TAFA1: variants seen among roughly 807,000 people sequenced by gnomAD.
The protein encoded by TAFA1 is TAFA chemokine like family member 1, also known as chemokine-like protein TAFA-1.
Under a neutral mutation model 18.5 loss-of-function variants are expected in TAFA1, and 4 were observed. The ratio of observed to expected loss-of-function variants is 0.22; its 90% CI spans 0.11 to 0.49. The LOEUF is 0.49. Among genes scored for constraint, TAFA1 ranks in the 20% least tolerant of loss-of-function variants. The probability of loss-of-function intolerance (pLI) is 0.98; values close to 1 mark genes in which losing one functional copy is unlikely to be tolerated. For missense variants in TAFA1, 147 were observed against 169.0 expected, an observed-to-expected ratio of 0.87 and a Z score of 0.72; for synonymous variants, 56 against 55.2, an observed-to-expected ratio of 1.01 and a Z score of -0.06.
In TAFA1 at chr3:68,225,032, C is replaced by T. The variant is rs1454423174; in HGVS notation, c.119-192248C>T. On this transcript the variant is annotated intron_variant, in intron 2 of 4. Transcript: ENST00000478136. ...CAAGCAATTCTTCTGCCTCAGCCTC[C>T]CGAGTAGCTGGGACTACAGGTGCAC... 2.0e-5 allele frequency among the ~76,000 whole-genome samples: 3 copies of T among 150,768 alleles called. No individual in the cohort carries two copies. The South Asian group carries it at 6.3e-4, about 32-fold the overall frequency.
chr3:68,335,333 T>G (rs2068952809), intron 2 of TAFA1, among the ~76,000 whole-genome samples: 1 of 152,190 alleles, frequency 6.6e-6, no homozygotes, highest in Non-Finnish European at 1.5e-5. Flanking sequence ...TCATGTCTAT[T>G]ATTTAGTTAT....
intron 2 of TAFA1, among the ~76,000 whole-genome samples, chr3:68,222,245 TC>T (rs2066740402): frequency 6.6e-6 from 1 of 152,300 alleles, no homozygotes; most frequent in South Asian, 2.1e-4. Flanking sequence ...TCATCTGATG[TC>T]ATTGCCGTTA....
intron 2 of TAFA1, among the ~76,000 whole-genome samples, chr3:68,169,406 T>C (rs779121773): frequency 3.9e-5 from 6 of 152,220 alleles, no homozygotes; most frequent in Non-Finnish European, 5.9e-5. Flanking sequence ...CAATATCTGA[T>C]TACAAATGAG....
chr3:68,075,698 C>A (rs368898325), intron 2 of TAFA1, among the ~76,000 whole-genome samples: 18 of 139,442 alleles, frequency 1.3e-4, no homozygotes, highest in African/African-American at 4.5e-4. Flanking sequence ...TCTTCTTTCC[C>A]TTTTTTTTTT....
In TAFA1 at chr3:68,465,713, A is replaced by G. The variant is rs1000333237; in HGVS notation, c.259+48293A>G. On this transcript the variant is annotated intron_variant, in intron 3 of 4. Coordinates refer to ENST00000478136, the MANE Select transcript of TAFA1 (RefSeq NM_213609.4). ...CTAGCCACAGGTCCATATTCTAACC[A>G]TCAGGAAAGAGAAAAGACAGAGAGG... Among the ~76,000 whole-genome samples the G allele has an allele frequency of 3.9e-5, 6 of 152,210 alleles. No homozygotes were observed. The East Asian group carries it at 9.6e-4, about 24-fold the overall frequency.
chr3:68,202,860 A>C (rs1377892233), intron 2 of TAFA1, among the ~76,000 whole-genome samples: 4 of 151,706 alleles, frequency 2.6e-5, no homozygotes, highest in African/African-American at 9.7e-5. Context: ...GAATAAAAAA[A>C]CAAAAATTTT....
intron 3 of TAFA1, among the ~76,000 whole-genome samples, chr3:68,478,966 G>A (rs1394511007): frequency 2.0e-5 from 3 of 150,166 alleles, no homozygotes; most frequent in South Asian, 4.2e-4. Flanking sequence ...CAGGCGCAGT[G>A]GCTCATGCCT....
At chr3:68,361,751 T>C (rs1297055806) in intron 2 of TAFA1, among the ~76,000 whole-genome samples, 1 of 152,084 alleles carries the variant, frequency 6.6e-6, no homozygotes, top group Non-Finnish European at 1.5e-5. Context: ...GCATGTATTA[T>C]TTGTAACCTT....
At chr3:68,132,907 T>C (rs566383264) in intron 2 of TAFA1, among the ~76,000 whole-genome samples, 1 of 152,230 alleles carries the variant, frequency 6.6e-6, no homozygotes, top group African/African-American at 2.4e-5. Flanking sequence ...ATTTTGGCTT[T>C]TGTTGCCATT....
chr3:68,274,696 G>T (rs879552981), intron 2 of TAFA1, among the ~76,000 whole-genome samples: 1 of 152,094 alleles, frequency 6.6e-6, no homozygotes, highest in Non-Finnish European at 1.5e-5. Context: ...TTTGGTGTTT[G>T]TTCCCCCGCC....
At chr3:68,210,779 A>C (rs906539115) in intron 2 of TAFA1, among the ~76,000 whole-genome samples, 11 of 152,044 alleles carry the variant, frequency 7.2e-5, no homozygotes, top group Non-Finnish European at 1.2e-4. Context: ...CTATTACCAC[A>C]TAACATATAA....
intron 3 of TAFA1, among the ~76,000 whole-genome samples, chr3:68,486,012 C>T (rs888214033): frequency 2.0e-5 from 3 of 152,082 alleles, no homozygotes; most frequent in Non-Finnish European, 4.4e-5. Context: ...ACTGCAGCTT[C>T]GACCTCCTGG....
chr3:68,413,458 A>G (rs2070754919), intron 2 of TAFA1, among the ~76,000 whole-genome samples: 1 of 152,254 alleles, frequency 6.6e-6, no homozygotes, highest in South Asian at 2.1e-4. Context: ...CTTTAATATT[A>G]TTACTATTAC....
At chr3:68,348,293 A>G (rs79290300) in intron 2 of TAFA1, among the ~76,000 whole-genome samples, 1,563 of 152,278 alleles carry the variant, frequency 0.01, 24 homozygotes, top group African/African-American at 0.035. Flanking sequence ...CAGTTAGTCT[A>G]TACTAACCAG....
At chr3:68,454,958 G>A (rs2071631962) in intron 3 of TAFA1, among the ~76,000 whole-genome samples, 1 of 151,996 alleles carries the variant, frequency 6.6e-6, no homozygotes, top group African/African-American at 2.4e-5. Context: ...TATAACTTTT[G>A]ACTCCCCCAA....
chr3:68,043,860 TATA>T (rs1705216188), intron 2 of TAFA1, among the ~76,000 whole-genome samples: 2 of 152,168 alleles, frequency 1.3e-5, no homozygotes, highest in Non-Finnish European at 2.9e-5. Flanking sequence ...TATTTTTTAT[TATA>T]CCTTAATTTC....
At position 68,478,916 on chromosome 3, in the gene TAFA1, G is replaced by GTATATA. The variant is rs71112646; in HGVS notation, c.260-59829_260-59824dup. Among the ~76,000 whole-genome samples the GTATATA allele has an allele frequency of 6.6e-3, 970 of 146,700 alleles. 9 individuals carry two copies. Among genetic ancestry groups the GTATATA allele is most frequent in the African/African-American group, 0.017 (697 of 40,110 alleles). ...ATACATTTTTATGTCGTATATGTGTGTATATATATATATATACATAAAAAT... is the reference window on the plus strand; with the variant it reads ...ATACATTTTTATGTCGTATATGTGTGTATATATATATATATATATATACATAAAAAT... On this transcript the variant is annotated intron_variant, in intron 3 of 4. Transcript: ENST00000478136.
At chr3:68,072,402 C>A (rs1559726146) in intron 2 of TAFA1, among the ~76,000 whole-genome samples, 1 of 152,120 alleles carries the variant, frequency 6.6e-6, no homozygotes, top group African/African-American at 2.4e-5. Flanking sequence ...GATGGAGAAC[C>A]ATTCCCAGGA....
intron 2 of TAFA1, among the ~76,000 whole-genome samples, chr3:68,230,155 T>A (rs909601829): frequency 6.6e-6 from 1 of 152,170 alleles, no homozygotes; most frequent in Non-Finnish European, 1.5e-5. Flanking sequence ...TTTTTAAATA[T>A]ACAACAAATT....
Sources: allele counts gnomAD v4.1 joint callset (sites outside exome capture counted in the v4.1 genomes callset), GRCh38; gene constraint gnomAD v4.1.1; transcripts MANE v1.5; gene names NCBI Gene and HGNC (gene_info 2026-07-23, HGNC 2026-07-21).